Variants in COX16 observed in about 807,000 individuals in gnomAD.
The protein encoded by COX16 is cytochrome c oxidase assembly protein COX16 homolog, mitochondrial.
COX16 carries 12 observed loss-of-function variants against 15.4 expected under a neutral mutation model. The ratio of observed to expected loss-of-function variants is 0.78; its 90% CI spans 0.50 to 1.26. COX16 has a LOEUF of 1.26. Ranked by LOEUF, COX16 falls within the 50% of genes most tolerant of loss-of-function variation. COX16 has a pLI of 0.00. For synonymous variants in COX16, 46 were observed against 41.1 expected, an observed-to-expected ratio of 1.12 and a Z score of -0.46; for missense variants, 124 against 127.6, an observed-to-expected ratio of 0.97 and a Z score of 0.14.
chr14:70,332,086 C>G (rs1886308785), intron 2 of COX16, among the ~76,000 whole-genome samples: 1 of 152,236 alleles, frequency 6.6e-6, no homozygotes, highest in Non-Finnish European at 1.5e-5. Flanking sequence ...CCCATTTGGC[C>G]TTCAGTCTAC....
At chr14:70,340,502 A>G (rs1321548873) in intron 2 of COX16, among the ~76,000 whole-genome samples, 1 of 152,238 alleles carries the variant, frequency 6.6e-6, no homozygotes, top group Non-Finnish European at 1.5e-5. Flanking sequence ...TATTACATAC[A>G]TTAGTCATCA....
rs1253008867 is a variant in COX16, at chr14:70,357,174, A to C, written c.69+2345T>G. On this transcript the variant is annotated intron_variant, in intron 1 of 3. Coordinates refer to ENST00000389912, the MANE Select transcript of COX16 (RefSeq NM_016468.7). ...AGCGTTTGTCAAAAAAAAAAAAAAAAAAAAAAAAAAAAAAAAATTCAGAGG... is the reference window on the plus strand; with the variant it reads ...AGCGTTTGTCAAAAAAAAAAAAAAACAAAAAAAAAAAAAAAAATTCAGAGG... Among the ~76,000 whole-genome samples, 11 of 146,636 alleles carry C rather than the reference A, an allele frequency of 7.5e-5. 1 individual carries two copies. The highest frequency in any genetic ancestry group is 2.2e-4 in the South Asian group (1 of 4,472).
rs371403142 is a variant in COX16, at chr14:70,331,879, A to C, written c.142-2643T>G. ...CTCATATCCCCCCATAGCAACAAGA[A>C]TCCTGCACCTATCCACAGTAAAAAG... On this transcript the variant is annotated intron_variant, in intron 2 of 3. Coordinates refer to ENST00000389912, the MANE Select transcript of COX16 (RefSeq NM_016468.7). Among the ~76,000 whole-genome samples, 203 of 152,310 alleles carry C rather than the reference A, an allele frequency of 1.3e-3. 2 individuals carry two copies. The highest frequency in any genetic ancestry group is 4.6e-3 in the African/African-American group (192 of 41,550).
In COX16 at chr14:70,358,185, G is replaced by A. The variant is rs543221051; in HGVS notation, c.69+1334C>T. Among the ~76,000 whole-genome samples, 7 of 152,176 alleles carry A rather than the reference G, an allele frequency of 4.6e-5. No homozygotes were observed. In the East Asian group the frequency reaches 1.3e-3, roughly 29 times the overall value. Reference sequence around the variant, plus strand: ...AGAATAAGCAAATTTACGGGTAGAAGTAGATTAGTGGTTTACCAGGCCAGC... The same window carrying A: ...AGAATAAGCAAATTTACGGGTAGAAATAGATTAGTGGTTTACCAGGCCAGC... On this transcript the variant is annotated intron_variant, in intron 1 of 3. Coordinates refer to ENST00000389912, the MANE Select transcript of COX16 (RefSeq NM_016468.7).
intron 2 of COX16, among the ~76,000 whole-genome samples, chr14:70,341,772 A>C (rs1027645795): frequency 6.6e-6 from 1 of 152,178 alleles, no homozygotes. Context: ...ATCAGATATT[A>C]AATGCATTTT....
chr14:70,335,112 A>G (rs2140698743), intron 2 of COX16, among the ~76,000 whole-genome samples: 1 of 152,322 alleles, frequency 6.6e-6, no homozygotes, highest in South Asian at 2.1e-4. Context: ...AACGAAGGAA[A>G]TTATATAATG....
chr14:70,349,337 G>A lies in COX16; in HGVS notation c.70-6608C>T, dbSNP rs181808365. ...CACATGCCGCCCAATAAACAGCTCC[G>A]CTATCTTCTAGTCTTGGTCTGTACC... On this transcript the variant is annotated intron_variant, in intron 1 of 3. Transcript: ENST00000389912. Among the ~76,000 whole-genome samples the A allele has an allele frequency of 4.6e-5, 7 of 152,278 alleles. No individual in the cohort carries two copies. The East Asian group carries it at 7.7e-4, about 17-fold the overall frequency.
At chr14:70,332,678 T>A (rs904661575) in intron 2 of COX16, among the ~76,000 whole-genome samples, 5 of 152,150 alleles carry the variant, frequency 3.3e-5, no homozygotes, top group Non-Finnish European at 5.9e-5. Context: ...GTTGAGGAAC[T>A]ACCCCACTGA....
intron 2 of COX16, among the ~76,000 whole-genome samples, chr14:70,334,998 G>T (rs1210026699): frequency 6.6e-6 from 1 of 151,716 alleles, no homozygotes; most frequent in Non-Finnish European, 1.5e-5. Context: ...TGCAAGTGAA[G>T]GAATAGAAAA....
At chr14:70,345,375 G>A (rs1177565835) in intron 1 of COX16, among the ~76,000 whole-genome samples, 1 of 152,202 alleles carries the variant, frequency 6.6e-6, no homozygotes, top group African/African-American at 2.4e-5. Context: ...GAAAAAGGCA[G>A]CGGTGACAGT....
chr14:70,344,355 ACC>A (rs1363503634), intron 1 of COX16, among the ~76,000 whole-genome samples: 1 of 152,244 alleles, frequency 6.6e-6, no homozygotes, highest in African/African-American at 2.4e-5. Context: ...TCAGAGTCAA[ACC>A]ATGAACTGAA....
chr14:70,357,781 C>T (rs1247963176), intron 1 of COX16, among the ~76,000 whole-genome samples: 1 of 152,152 alleles, frequency 6.6e-6, no homozygotes, highest in Admixed American at 6.5e-5. Flanking sequence ...AATTGAAAAT[C>T]ATATCTTGCT....
intron 1 of COX16, among the ~76,000 whole-genome samples, chr14:70,346,406 T>C (rs1359204559): frequency 6.6e-6 from 1 of 152,178 alleles, no homozygotes; most frequent in Non-Finnish European, 1.5e-5. Flanking sequence ...CCTTTTCAAG[T>C]GCGGCAATGA....
At chr14:70,327,508 T>C (rs1886120181) in intron 3 of COX16, among the ~76,000 whole-genome samples, 1 of 151,982 alleles carries the variant, frequency 6.6e-6, no homozygotes, top group Non-Finnish European at 1.5e-5. Context: ...AATGGGAAAG[T>C]AGTAAATGAA....
intron 3 of COX16, 24 bp from the exon 4 acceptor site, chr14:70,326,473 G>GT: frequency 6.5e-7 from 1 of 1,545,690 alleles, no homozygotes; most frequent in Non-Finnish European, 8.7e-7. Context: ...AAAAATTAAA[G>GT]TATAAATATT....
At chr14:70,343,898 T>C (rs1386108097) in intron 1 of COX16, among the ~76,000 whole-genome samples, 2 of 151,894 alleles carry the variant, frequency 1.3e-5, no homozygotes, top group East Asian at 3.9e-4. Flanking sequence ...GAAACCGGAG[T>C]TTTATTATTA....
intron 2 of COX16, among the ~76,000 whole-genome samples, chr14:70,331,467 C>T (rs2877670): frequency 0.77 from 116,384 of 152,016 alleles, 44,743 homozygotes; most frequent in East Asian, 0.93. Flanking sequence ...CCTCAATAGA[C>T]ACATCACAAA....
chr14:70,333,566 TAAAC>T (rs1206708158), intron 2 of COX16, among the ~76,000 whole-genome samples: 1 of 152,030 alleles, frequency 6.6e-6, no homozygotes, highest in African/African-American at 2.4e-5. Flanking sequence ...ATGAAAGTAA[TAAAC>T]AGCTCACAGG....
intron 2 of COX16, among the ~76,000 whole-genome samples, chr14:70,335,981 G>T (rs530048850): frequency 6.6e-6 from 1 of 152,192 alleles, no homozygotes; most frequent in Non-Finnish European, 1.5e-5. Flanking sequence ...GTAGGGCCAG[G>T]TGTGGTGGCT....
Sources: allele counts gnomAD v4.1 joint callset (sites outside exome capture counted in the v4.1 genomes callset), GRCh38; gene constraint gnomAD v4.1.1; transcripts MANE v1.5; gene names NCBI Gene and HGNC (gene_info 2026-07-23, HGNC 2026-07-21).